Variants in RSPH3 observed in about 807,000 individuals in gnomAD.
RSPH3 encodes radial spoke head protein 3 homolog.
RSPH3 carries 21 observed loss-of-function variants against 43.8 expected under a neutral mutation model. The ratio of observed to expected loss-of-function variants is 0.48; its 90% CI spans 0.34 to 0.69. The LOEUF (loss-of-function observed/expected upper bound fraction) is 0.69, where lower values mean the gene tolerates loss of function less well. Among genes scored for constraint, RSPH3 ranks in the 30% least tolerant of loss-of-function variants. The pLI is 0.01. For missense variants in RSPH3, 487 were observed against 516.0 expected (o/e 0.94, Z 0.54); for synonymous variants, 173 against 179.8 (o/e 0.96, Z 0.30).
chr6:158,966,120 A>G, the RSPH3 span, among the ~76,000 whole-genome samples: 1 of 152,114 alleles, frequency 6.6e-6, no homozygotes. Context: ...TTATATGGGT[A>G]AACTTGTGTA....
the RSPH3 span, among the ~76,000 whole-genome samples, chr6:158,965,714 A>G: frequency 6.6e-6 from 1 of 152,150 alleles, no homozygotes; most frequent in Non-Finnish European, 1.5e-5. Context: ...AACTAAAGAT[A>G]TTTTAATTTT....
intron 2 of RSPH3, among the ~76,000 whole-genome samples, chr6:158,991,140 T>C (rs938532957): frequency 6.6e-6 from 1 of 152,216 alleles, no homozygotes; most frequent in South Asian, 2.1e-4. Context: ...TCACTTTTCA[T>C]TGAAACATTT....
chr6:158,995,216 A>G (rs76948562), intron 1 of RSPH3, among the ~76,000 whole-genome samples: 2,706 of 152,228 alleles, frequency 0.018, 34 homozygotes, highest in Middle Eastern at 0.024. Context: ...ATATCCAGTT[A>G]CCCAATGACA....
At position 158,999,936 on chromosome 6, in the gene RSPH3, T is replaced by G; in HGVS notation, c.-386A>C. ...GTAGGTGCGCCTGCGCTTTGCGAGGTTCCTGGCTAGGGAGGCGGCCTTGGC... is the reference window on the plus strand; with the variant it reads ...GTAGGTGCGCCTGCGCTTTGCGAGGGTCCTGGCTAGGGAGGCGGCCTTGGC... On this transcript the variant is annotated 5_prime_UTR_variant, in exon 1 of 8. Coordinates refer to ENST00000367069, the MANE Select transcript of RSPH3 (RefSeq NM_031924.8). The G allele has an allele frequency of 6.2e-7, 1 of 1,610,082 alleles. No individual in the cohort carries two copies. The highest frequency in any genetic ancestry group is 8.5e-7 in the Non-Finnish European group (1 of 1,178,114).
At chr6:158,979,951 C>T (rs1031692470) in intron 6 of RSPH3, among the ~76,000 whole-genome samples, 5 of 152,156 alleles carry the variant, frequency 3.3e-5, no homozygotes, top group African/African-American at 1.2e-4. Context: ...TTCTTTTTCT[C>T]CAATACCAAA....
intron 2 of RSPH3, among the ~76,000 whole-genome samples, chr6:158,992,714 A>G (rs1385849760): frequency 6.6e-6 from 1 of 152,152 alleles, no homozygotes; most frequent in Non-Finnish European, 1.5e-5. Context: ...GTGGAGGAGC[A>G]TCTCTATCAC....
the RSPH3 span, among the ~76,000 whole-genome samples, chr6:158,963,344 TCCTTC>T: frequency 7.0e-6 from 1 of 142,280 alleles, no homozygotes; most frequent in African/African-American, 2.5e-5. Context: ...TCCTTCTCCT[TCCTTC>T]CTTTCTTTCT....
intron 2 of RSPH3, 114 bp from the exon 3 acceptor site, chr6:158,986,535 CTTGA>C: frequency 1.3e-6 from 1 of 764,316 alleles, no homozygotes; most frequent in Non-Finnish European, 2.1e-6. Context: ...CATAATGTTT[CTTGA>C]TTATCAGTAA....
chr6:158,979,554 T>C (rs1777960941), intron 6 of RSPH3, among the ~76,000 whole-genome samples: 1 of 152,178 alleles, frequency 6.6e-6, no homozygotes, highest in Admixed American at 6.5e-5. Flanking sequence ...TGAGCTTCAG[T>C]TTCTATTTCT....
chr6:158,990,211 T>G (rs1778361977), intron 2 of RSPH3, among the ~76,000 whole-genome samples: 1 of 152,152 alleles, frequency 6.6e-6, no homozygotes, highest in African/African-American at 2.4e-5. Flanking sequence ...ATTCCATTTG[T>G]TCTGTCCCTC....
At chr6:158,987,504 G>C (rs1046546619) in intron 2 of RSPH3, among the ~76,000 whole-genome samples, 1 of 152,034 alleles carries the variant, frequency 6.6e-6, no homozygotes, top group Non-Finnish European at 1.5e-5. Context: ...CTACCATTCT[G>C]TTGCTTATTT....
chr6:158,984,434 TTATA>T (rs55999313), intron 3 of RSPH3, among the ~76,000 whole-genome samples: 4,831 of 63,330 alleles, frequency 0.076, 179 homozygotes, highest in East Asian at 0.16. Flanking sequence ...AAAAAGTCAA[TTATA>T]TATATATATA....
At position 158,993,903 on chromosome 6, in the gene RSPH3, C is replaced by T. The variant is rs1372514011; in HGVS notation, c.140G>A (p.Gly47Glu). The T allele has an allele frequency of 3.7e-6, 6 of 1,607,720 alleles. 1 individual carries two copies. Among genetic ancestry groups the T allele is most frequent in the African/African-American group, 2.7e-5 (2 of 74,872 alleles). The change falls in exon 2 of 8, where the codon GGA (glycine) becomes GAA (glutamate). Residue 47 changes from glycine (G) to glutamate (E), a missense_variant. Coordinates refer to ENST00000367069, the MANE Select transcript of RSPH3 (RefSeq NM_031924.8). ...TACCCTTCTGTCATACATTATGTTTCCATAATGCATAGGTTCTTCATCTCT... is the reference window on the plus strand; with the variant it reads ...TACCCTTCTGTCATACATTATGTTTTCATAATGCATAGGTTCTTCATCTCT... ...TQPDEEPMHY[G>E]NIMYDRRVIR...
intron 2 of RSPH3, among the ~76,000 whole-genome samples, chr6:158,987,583 A>G (rs1251348915): frequency 6.6e-6 from 1 of 152,154 alleles, no homozygotes; most frequent in Non-Finnish European, 1.5e-5. Context: ...ATCTGGTAGT[A>G]TATTTTAGTT....
intron 1 of RSPH3, among the ~76,000 whole-genome samples, chr6:158,996,266 T>G (rs888194284): frequency 2.6e-5 from 4 of 152,252 alleles, no homozygotes; most frequent in African/African-American, 9.6e-5. Flanking sequence ...AATTGTCTTT[T>G]CACACATGCC....
chr6:158,970,817 C>T (rs1388786261), downstream of RSPH3, among the ~76,000 whole-genome samples: 1 of 152,158 alleles, frequency 6.6e-6, no homozygotes, highest in African/African-American at 2.4e-5. Context: ...TGCCAAAGTG[C>T]TGGGATTACA....
At chr6:158,987,118 T>C (rs1340063016) in intron 2 of RSPH3, among the ~76,000 whole-genome samples, 2 of 152,232 alleles carry the variant, frequency 1.3e-5, no homozygotes, top group African/African-American at 4.8e-5. Context: ...TCTCTCCCTT[T>C]AGATCTATTC....
chr6:158,966,878 CTTCTT>C, the RSPH3 span, among the ~76,000 whole-genome samples: 11 of 151,874 alleles, frequency 7.2e-5, no homozygotes, highest in Non-Finnish European at 1.3e-4. Flanking sequence ...TTATTTTCCT[CTTCTT>C]TTCGTTTTTT....
At chr6:158,981,019 TC>T in intron 5 of RSPH3, 83 bp from the exon 6 acceptor site, 2 of 1,321,852 alleles carry the variant, frequency 1.5e-6, no homozygotes, top group Non-Finnish European at 2.1e-6. Flanking sequence ...AGTACAAGAA[TC>T]CAGACTTATC....
Sources: gnomAD v4.1 joint callset for allele counts (sites outside exome capture counted in the v4.1 genomes callset) on GRCh38, gnomAD v4.1.1 for gene constraint, MANE v1.5 for transcripts, NCBI Gene and HGNC (gene_info 2026-07-23, HGNC 2026-07-21) for gene names.